Variants in PRMT8 observed in about 807,000 individuals in gnomAD.
PRMT8 encodes the protein protein arginine N-methyltransferase 8.
In PRMT8, 7 loss-of-function variants were observed where a neutral mutation model predicts 47.1. That is an observed-to-expected ratio of 0.15 (90% CI 0.08 to 0.28). The LOEUF is 0.28. Ranked by LOEUF, PRMT8 falls within the 10% of genes least tolerant of loss-of-function variation. The pLI, the probability that PRMT8 is intolerant of heterozygous loss-of-function variation, is 1.00. For missense variants in PRMT8, 237 were observed against 505.4 expected, an observed-to-expected ratio of 0.47 and a Z score of 5.09; for synonymous variants, 188 against 186.5, an observed-to-expected ratio of 1.01 and a Z score of -0.07.
chr12:3,427,287 A>T (rs1404885901), intron 1 of PRMT8, among the ~76,000 whole-genome samples: 1 of 152,124 alleles, frequency 6.6e-6, no homozygotes, highest in South Asian at 2.1e-4. Context: ...CATAAGGTAA[A>T]ATTTTTATAG....
chr12:3,442,140 C>A (rs1864809791), intron 1 of PRMT8, among the ~76,000 whole-genome samples: 1 of 152,128 alleles, frequency 6.6e-6, no homozygotes, highest in African/African-American at 2.4e-5. Flanking sequence ...GGCAACTCAG[C>A]ATCAAGCTAA....
At chr12:3,450,880 T>G (rs374523264) in intron 1 of PRMT8, among the ~76,000 whole-genome samples, 5 of 152,340 alleles carry the variant, frequency 3.3e-5, no homozygotes, top group African/African-American at 1.2e-4. Context: ...CTGTAAACAC[T>G]ATGATGACTA....
rs1298275328 is a variant in PRMT8, at chr12:3,492,984, GTCT to G, written c.75+1290_75+1292del. On this transcript the variant is annotated intron_variant, in intron 1 of 9. Coordinates refer to ENST00000382622, the MANE Select transcript of PRMT8 (RefSeq NM_019854.5). This position sits in a 1 kb window ranked among gnomAD's most constrained non-coding sequence, Gnocchi z 7.5. ...CAAAAAGGTAGAGAGACCCTTCCTG[GTCT>G]TCTTCCCTCGAGTTCTTAACTCTGC... Among the ~76,000 whole-genome samples, 1 of 152,086 alleles carries G rather than the reference GTCT, an allele frequency of 6.6e-6. No homozygotes were observed. The highest frequency in any genetic ancestry group is 1.5e-5 in the Non-Finnish European group (1 of 68,038).
chr12:3,386,638 T>C (rs886300942), intron 1 of PRMT8, among the ~76,000 whole-genome samples: 5 of 152,176 alleles, frequency 3.3e-5, no homozygotes, highest in Non-Finnish European at 1.5e-5. Context: ...ACCTACTTAC[T>C]GTGACCCTAT....
intron 4 of PRMT8, among the ~76,000 whole-genome samples, chr12:3,563,662 T>C (rs1383962781): frequency 6.6e-6 from 1 of 152,056 alleles, no homozygotes; most frequent in Non-Finnish European, 1.5e-5. Context: ...AGGTCAGATA[T>C]ACACCCATTT....
In PRMT8 at chr12:3,564,755, G is replaced by T. The variant is rs185895469; in HGVS notation, c.482-3951G>T. ...TTGGGCATGGAGCTCTGCAGCCTAC[G>T]GCTGCTCGGAATCTTAATATCAATA... On this transcript the variant is annotated intron_variant, in intron 4 of 9. Coordinates refer to ENST00000382622, the MANE Select transcript of PRMT8 (RefSeq NM_019854.5). The surrounding 1 kb of genome is among the most constrained non-coding windows in gnomAD (Gnocchi z 4.0). Among the ~76,000 whole-genome samples, 45 of 152,348 alleles carry T rather than the reference G, an allele frequency of 3.0e-4. No homozygotes were observed. The highest frequency in any genetic ancestry group is 1.0e-3 in the African/African-American group (43 of 41,578).
At chr12:3,541,751 T>C (rs576532158) in intron 2 of PRMT8, among the ~76,000 whole-genome samples, 1 of 152,208 alleles carries the variant, frequency 6.6e-6, no homozygotes, top group Non-Finnish European at 1.5e-5. Flanking sequence ...GCCAGCTCTT[T>C]TGTTTGTTTG....
At chr12:3,392,426 T>C in intron 1 of PRMT8, among the ~76,000 whole-genome samples, 1 of 145,066 alleles carries the variant, frequency 6.9e-6, no homozygotes, top group Non-Finnish European at 1.5e-5. Context: ...GTGTTCTCAT[T>C]GTTCAATTCC....
At chr12:3,591,352 G>A (rs748825656) in intron 8 of PRMT8, among the ~76,000 whole-genome samples, 10 of 151,894 alleles carry the variant, frequency 6.6e-5, no homozygotes, top group Non-Finnish European at 1.3e-4. Flanking sequence ...CAGCAGGTCT[G>A]GGCCAAGGTG....
intron 1 of PRMT8, among the ~76,000 whole-genome samples, chr12:3,459,020 G>A (rs902325406): frequency 2.0e-5 from 3 of 152,188 alleles, no homozygotes; most frequent in Non-Finnish European, 2.9e-5. Flanking sequence ...TGGATATGAC[G>A]AGTGGGCAGA....
chr12:3,398,095 C>T (rs926102251), intron 1 of PRMT8, among the ~76,000 whole-genome samples: 12 of 152,180 alleles, frequency 7.9e-5, no homozygotes, highest in Non-Finnish European at 1.3e-4. Flanking sequence ...CACTGACCTG[C>T]GCCCACTGTC....
intron 2 of PRMT8, among the ~76,000 whole-genome samples, chr12:3,546,715 G>A (rs931065006): frequency 2.6e-5 from 4 of 152,206 alleles, no homozygotes; most frequent in South Asian, 2.1e-4. Flanking sequence ...GGCATATATG[G>A]TTTTACTGGT....
chr12:3,593,067 G>A lies in PRMT8; in HGVS notation c.1102-32G>A, dbSNP rs113067110. The A allele has an allele frequency of 5.0e-6, 8 of 1,593,904 alleles. No individual in the cohort carries two copies. The highest frequency in any genetic ancestry group is 2.7e-5 in the African/African-American group (2 of 74,470). On this transcript the variant is annotated intron_variant, in intron 9 of 9. Transcript: ENST00000382622. This position sits in a 1 kb window ranked among gnomAD's most constrained non-coding sequence, Gnocchi z 4.8. ...GCTGTGGCTTCATACCCAGACGGCCGCCTGACCCTTCGCTCTCTCTCTGCC... is the reference window on the plus strand; with the variant it reads ...GCTGTGGCTTCATACCCAGACGGCCACCTGACCCTTCGCTCTCTCTCTGCC...
intron 1 of PRMT8, among the ~76,000 whole-genome samples, chr12:3,454,617 A>G (rs1864954834): frequency 6.6e-6 from 1 of 152,144 alleles, no homozygotes. Flanking sequence ...CCAAGTTCAA[A>G]GGGAGCACAG....
intron 1 of PRMT8, among the ~76,000 whole-genome samples, chr12:3,383,809 C>T (rs574021568): frequency 2.0e-5 from 3 of 152,250 alleles, no homozygotes; most frequent in African/African-American, 7.2e-5. Context: ...GATTCATATC[C>T]AAATGTTTCC....
rs533083351 is a variant in PRMT8, at chr12:3,397,620, C to G, written c.48+16178C>G. Among the ~76,000 whole-genome samples, 1,100 of 152,046 alleles carry G rather than the reference C, an allele frequency of 7.2e-3. 13 individuals are homozygous for G. Among genetic ancestry groups the G allele is most frequent in the African/African-American group, 0.025 (1,035 of 41,490 alleles). On this transcript the variant is annotated intron_variant, in intron 1 of 9. Coordinates refer to the PRMT8 transcript ENST00000452611. ...GAACCACTGCTCTCTTCAAAGCTGT[C>G]AGACAGGGACATTTAAGTCTGCAGA...
chr12:3,473,221 C>T (rs1457253988), intron 1 of PRMT8, among the ~76,000 whole-genome samples: 1 of 152,156 alleles, frequency 6.6e-6, no homozygotes, highest in Non-Finnish European at 1.5e-5. Flanking sequence ...CACAGCTCCC[C>T]TCTCCCCAAG....
intron 7 of PRMT8, among the ~76,000 whole-genome samples, chr12:3,579,605 T>G (rs1337834717): frequency 6.6e-6 from 1 of 152,204 alleles, no homozygotes; most frequent in African/African-American, 2.4e-5. Context: ...TGTCTGTGTT[T>G]GCTTCTGCTT....
rs909875656 is a variant in PRMT8 at position 3,409,446 on chromosome 12, C to T, written c.48+28004C>T. ...GTGGGACATGCCAGTATCTGAGGCT[C>T]GGCAAGATAGCAAGGACCCCTGGGT... On this transcript the variant is annotated intron_variant, in intron 1 of 9. Coordinates refer to the PRMT8 transcript ENST00000452611. The surrounding 1 kb of genome is among the most constrained non-coding windows in gnomAD (Gnocchi z 4.4). Among the ~76,000 whole-genome samples the T allele has an allele frequency of 5.9e-5, 9 of 152,108 alleles. No individual in the cohort carries two copies. Among genetic ancestry groups the T allele is most frequent in the South Asian group, 2.1e-4 (1 of 4,818 alleles).
Sources: allele counts gnomAD v4.1 joint callset (sites outside exome capture counted in the v4.1 genomes callset), GRCh38; gene constraint gnomAD v4.1.1; non-coding constraint Gnocchi (gnomAD v3.1); transcripts MANE v1.5; gene names NCBI Gene and HGNC (gene_info 2026-07-23, HGNC 2026-07-21).